Variants in NFRKB observed in about 807,000 individuals in gnomAD.
The protein encoded by NFRKB is nuclear factor related to kappa-B-binding protein.
Under a neutral mutation model 135.7 loss-of-function variants are expected in NFRKB, and 62 were observed. That is an observed-to-expected ratio of 0.46 (90% CI 0.37 to 0.56). The LOEUF is 0.56. NFRKB is among the 20% of genes least tolerant of loss of function. The pLI is 0.00. For synonymous variants in NFRKB, 678 were observed against 635.6 expected, an observed-to-expected ratio of 1.07 and a Z score of -1.00; for missense variants, 1,545 against 1,662.0, an observed-to-expected ratio of 0.93 and a Z score of 1.22.
In NFRKB at chr11:129,864,954, C is replaced by T; in HGVS notation, c.3774+12G>A. The T allele has an allele frequency of 6.2e-7, 1 of 1,612,992 alleles. No homozygotes were observed. The highest frequency in any genetic ancestry group is 1.7e-4 in the Middle Eastern group (1 of 5,844). On this transcript the variant is annotated intron_variant, in intron 26 of 26. Transcript: ENST00000682444. Reference sequence around the variant, plus strand: ...GAGCCGGATATGGCCAAGAATTTGCCCTGGGCCTTACCTGTGTGGCCTGAC... The same window carrying T: ...GAGCCGGATATGGCCAAGAATTTGCTCTGGGCCTTACCTGTGTGGCCTGAC...
chr11:129,876,937 T>C (rs1948793790), intron 16 of NFRKB, 42 bp from the exon 17 acceptor site: 3 of 1,577,854 alleles, frequency 1.9e-6, no homozygotes, highest in South Asian at 1.1e-5. Context: ...TCAGAATTAG[T>C]GGGGTTCTCT....
At position 129,870,188 on chromosome 11, in the gene NFRKB, C is replaced by A; in HGVS notation, c.2837G>T (p.Arg946Leu). The A allele has an allele frequency of 6.2e-7, 1 of 1,614,172 alleles. No homozygotes were observed. Among genetic ancestry groups the A allele is most frequent in the South Asian group, 1.1e-5 (1 of 91,086 alleles). Residue 946 changes from arginine to leucine, a missense_variant, in exon 24 of 27, where the codon CGC becomes CTC. Arg to Leu is a moderately radical substitution (Grantham distance 102). Transcript: ENST00000682444. ...NSIPLTATNF[R>L]IQGKDVLRLP... ...ACGCAATACATCCTTACCCTGGATG[C>A]GGAAGTTAGTGGCTGTGAGTGGAAT... is the stretch of plus-strand genomic sequence containing the variant.
rs1227813768 is a variant in NFRKB at position 129,864,258 on chromosome 11, T to A, written c.*467A>T. 6.5e-6 allele frequency: 1 copy of A among 154,214 alleles called. No individual in the cohort carries two copies. Among genetic ancestry groups the A allele is most frequent in the South Asian group, 2.0e-4 (1 of 4,946 alleles). The allele number at this position is 154,214 out of a possible 1,614,324, so 9.6% of individuals were successfully genotyped here. ...AGCCCAAGTTTGTATTTGAGAAAGATGTACAACAGGTTCTTTAAAAAAATA... is the reference window on the plus strand; with the variant it reads ...AGCCCAAGTTTGTATTTGAGAAAGAAGTACAACAGGTTCTTTAAAAAAATA... On this transcript the variant is annotated 3_prime_UTR_variant, in exon 27 of 27. Coordinates refer to ENST00000682444, the MANE Select transcript of NFRKB (RefSeq NM_001143835.2).
At chr11:129,865,761 G>T in intron 25 of NFRKB, 116 bp downstream of exon 25, 2 of 799,998 alleles carry the variant, frequency 2.5e-6, no homozygotes, top group Non-Finnish European at 4.2e-6. Flanking sequence ...AAGCAGAGGT[G>T]TCAAAGAAGG....
In NFRKB at chr11:129,874,337, G is replaced by T. The variant is rs192783177; in HGVS notation, c.2059-4C>A. ...AGCTCTCCTTGCTACTGGACTTCTA[G>T]AACGGAAGACAAAGAAAACTCACCT... On this transcript the variant is annotated splice_region_variant and splice_polypyrimidine_tract_variant and intron_variant, in intron 20 of 26. Coordinates refer to ENST00000682444, the MANE Select transcript of NFRKB (RefSeq NM_001143835.2). The surrounding 1 kb of genome is among the most constrained non-coding windows in gnomAD (Gnocchi z 4.5). 1.3e-6 allele frequency: 2 copies of T among 1,519,244 alleles called. No individual in the cohort carries two copies. The highest frequency in any genetic ancestry group is 1.8e-6 in the Non-Finnish European group (2 of 1,136,556). 94.1% of individuals were successfully genotyped at this position (1,519,244 alleles called of 1,614,324 possible). A position where few individuals can be genotyped will look rare whatever the true frequency, so the allele number is the denominator to read the frequency against.
At chr11:129,887,808 C>A (rs534324935) in intron 4 of NFRKB, among the ~76,000 whole-genome samples, 6 of 152,156 alleles carry the variant, frequency 3.9e-5, no homozygotes, top group African/African-American at 1.2e-4. Context: ...GAGGCCGAGG[C>A]GGGCAGATCA....
At chr11:129,870,472 C>G (rs1294751310) in intron 23 of NFRKB, among the ~76,000 whole-genome samples, 1 of 152,084 alleles carries the variant, frequency 6.6e-6, no homozygotes, top group Admixed American at 6.5e-5. Context: ...TTTAGCTATC[C>G]CTCCCCACTG....
Position 129,874,499 on chromosome 11 carries a change from A to T in NFRKB, c.2058+2T>A. ...GGCAGACACTCTCCTGAAGTCACTT[A>T]CCACCTTGGATGGGGGCTTGGGTTT... is the stretch of plus-strand genomic sequence containing the variant. On this transcript the variant is annotated splice_donor_variant, in intron 20 of 26. Transcript: ENST00000682444. LOFTEE classifies it high-confidence loss of function. This position sits in a 1 kb window ranked among gnomAD's most constrained non-coding sequence, Gnocchi z 4.5. The T allele has an allele frequency of 1.2e-6, 2 of 1,613,326 alleles. No homozygotes were observed. The highest frequency in any genetic ancestry group is 1.7e-6 in the Non-Finnish European group (2 of 1,179,760).
intron 8 of NFRKB, 30 bp from the exon 9 acceptor site, chr11:129,883,236 G>T: frequency 6.2e-7 from 1 of 1,601,378 alleles, no homozygotes; most frequent in Non-Finnish European, 8.5e-7. Flanking sequence ...TTTGGTCATG[G>T]AGGCCCAAAA....
intron 24 of NFRKB, among the ~76,000 whole-genome samples, chr11:129,869,017 T>A (rs1320344259): frequency 6.6e-6 from 1 of 152,152 alleles, no homozygotes. Flanking sequence ...TGAGACTCCA[T>A]CTCAAAAATA....
intron 15 of NFRKB, 59 bp from the exon 16 acceptor site, chr11:129,877,444 G>GC: frequency 6.8e-7 from 1 of 1,480,292 alleles, no homozygotes; most frequent in Non-Finnish European, 9.4e-7. Flanking sequence ...CAGACCCATT[G>GC]CCCCTGCTTC....
At chr11:129,871,078 T>G (rs1465049727) in intron 23 of NFRKB, among the ~76,000 whole-genome samples, 1 of 152,178 alleles carries the variant, frequency 6.6e-6, no homozygotes, top group African/African-American at 2.4e-5. Flanking sequence ...TCAAGTCCCT[T>G]ACACAAAATG....
chr11:129,882,356 C>T (rs1260594491), intron 10 of NFRKB, 95 bp downstream of exon 10: 5 of 1,448,850 alleles, frequency 3.5e-6, no homozygotes, highest in Non-Finnish European at 3.8e-6. Flanking sequence ...ACAAGTCCAA[C>T]ATACTTACAG....
rs759113843 is a variant in NFRKB at position 129,869,456 on chromosome 11, T to TA, written c.3531+37dup. ...GCAGTTGAGCCTTGATTAAGTTTTC[T>TA]AAAAAAGAAGGCCTAAGCTTTACCA... is the stretch of plus-strand genomic sequence containing the variant. On this transcript the variant is annotated intron_variant, in intron 24 of 26. Transcript: ENST00000682444. The TA allele has an allele frequency of 2.0e-5, 31 of 1,534,592 alleles. 1 individual carries two copies. The highest frequency in any genetic ancestry group is 6.9e-5 in the African/African-American group (5 of 72,264).
Position 129,865,979 on chromosome 11 carries a change from TTCCCC to T in NFRKB, c.3532-1_3535del. On this transcript the variant is annotated splice_acceptor_variant and coding_sequence_variant, in exon 25 of 27. Transcript: ENST00000682444. LOFTEE classifies it high-confidence loss of function. The stretch of plus-strand genomic sequence containing the variant: ...GGGAACTGTGATCCGTGTAGGCAAC[TTCCCC>T]TAGAAAAAAAAAGCAGTCAGGTTTT... 6.3e-7 allele frequency: 1 copy of T among 1,583,604 alleles called. No homozygotes were observed. The highest frequency in any genetic ancestry group is 1.8e-5 in the Admixed American group (1 of 54,390).
In NFRKB at chr11:129,892,842, G is replaced by A; in HGVS notation, c.8C>T (p.Ser3Phe). Residue 3 changes from serine (S) to phenylalanine (F), a missense_variant, in exon 3 of 27, where the codon TCC becomes TTC. This residue lies in a region of NFRKB where 678 missense variants were observed against 646.7 expected (regional missense o/e 1.05). Coordinates refer to ENST00000682444, the MANE Select transcript of NFRKB (RefSeq NM_001143835.2). The stretch of plus-strand genomic sequence containing the variant: ...AGGATCTGTCAGCATATGGTCTAAG[G>A]AATCCATTGTTTCTTCTCCACAGGT... MD[S>F]LDHMLTDPLE... 6.2e-7 allele frequency: 1 copy of A among 1,614,140 alleles called. No homozygotes were observed. The highest frequency in any genetic ancestry group is 8.5e-7 in the Non-Finnish European group (1 of 1,180,024).
At chr11:129,871,867 C>A (rs182081574) in intron 23 of NFRKB, among the ~76,000 whole-genome samples, 2 of 152,190 alleles carry the variant, frequency 1.3e-5, no homozygotes, top group Non-Finnish European at 2.9e-5. Context: ...TTTAAATTAA[C>A]GTCAAAGTCC....
At chr11:129,870,843 G>A (rs997773803) in intron 23 of NFRKB, among the ~76,000 whole-genome samples, 28 of 152,120 alleles carry the variant, frequency 1.8e-4, no homozygotes, top group African/African-American at 5.8e-4. Flanking sequence ...ACTGGACTAC[G>A]GCCATCAGAA....
chr11:129,873,119 G>C, intron 22 of NFRKB, 23 bp from the exon 23 acceptor site: 19 of 1,543,780 alleles, frequency 1.2e-5, no homozygotes, highest in Non-Finnish European at 1.7e-5. Context: ...ATGAGGCCAA[G>C]AGCTTAATTA....
Sources: gnomAD v4.1 joint callset for allele counts (sites outside exome capture counted in the v4.1 genomes callset) on GRCh38, gnomAD v4.1.1 for gene constraint, gnomAD v4.1.1 regional missense constraint, Gnocchi (gnomAD v3.1) non-coding constraint, MANE v1.5 for transcripts, NCBI Gene and HGNC (gene_info 2026-07-23, HGNC 2026-07-21) for gene names.